GAS7: variants seen among roughly 807,000 people sequenced by gnomAD.
The protein encoded by GAS7 is growth arrest-specific protein 7.
GAS7 carries 28 observed loss-of-function variants against 71.1 expected under a neutral mutation model. The observed-to-expected ratio is 0.39, with a 90% confidence interval of 0.29 to 0.54. The LOEUF (loss-of-function observed/expected upper bound fraction) is 0.54, where lower values mean the gene tolerates loss of function less well. Ranked by LOEUF, GAS7 falls within the 20% of genes least tolerant of loss-of-function variation. The pLI is 0.62. For missense variants in GAS7, 436 were observed against 627.8 expected, an observed-to-expected ratio of 0.69 and a Z score of 3.27; for synonymous variants, 258 against 245.8, an observed-to-expected ratio of 1.05 and a Z score of -0.46.
intron 4 of GAS7, among the ~76,000 whole-genome samples, chr17:9,966,228 G>T (rs2069708479): frequency 6.6e-6 from 1 of 151,814 alleles, no homozygotes; most frequent in African/African-American, 2.4e-5. Context: ...TCGATCTCCT[G>T]ACCTCCTGAT....
At chr17:9,972,627 C>A (rs201887448) in intron 3 of GAS7, among the ~76,000 whole-genome samples, 1 of 151,966 alleles carries the variant, frequency 6.6e-6, no homozygotes, top group African/African-American at 2.4e-5. Flanking sequence ...AGCCCTGGAA[C>A]ATGTAAAAAC....
At chr17:10,063,191 A>G (rs564694237) in intron 1 of GAS7, among the ~76,000 whole-genome samples, 5 of 152,338 alleles carry the variant, frequency 3.3e-5, no homozygotes, top group African/African-American at 1.2e-4. Context: ...CTTCTTTGTC[A>G]TTCTTGCAAA....
At chr17:10,036,495 C>T in intron 1 of GAS7, 6 of 1,612,982 alleles carry the variant, frequency 3.7e-6, no homozygotes, top group Non-Finnish European at 5.1e-6. Context: ...TTGGGTCCTG[C>T]CTGAAGCCCT....
chr17:9,919,527 G>A lies in GAS7; in HGVS notation c.1218+99C>T. On this transcript the variant is annotated intron_variant, in intron 12 of 13. Coordinates refer to ENST00000432992, the MANE Select transcript of GAS7 (RefSeq NM_201433.2). The surrounding 1 kb of genome is among the most constrained non-coding windows in gnomAD (Gnocchi z 5.0). ...AGTAGATTTGATGACCATCTCCAGG[G>A]TCACTCCACCCCATCATCCCCGCGC... 1.2e-6 allele frequency: 1 copy of A among 857,154 alleles called. No homozygotes were observed. Among genetic ancestry groups the A allele is most frequent in the African/African-American group, 1.6e-5 (1 of 60,748 alleles). 53.1% of individuals were successfully genotyped at this position (857,154 alleles called of 1,614,324 possible). A position where few individuals can be genotyped will look rare whatever the true frequency, so the allele number is the denominator to read the frequency against.
intron 1 of GAS7, among the ~76,000 whole-genome samples, chr17:10,124,784 G>C (rs2073931811): frequency 6.6e-6 from 1 of 152,042 alleles, no homozygotes; most frequent in African/African-American, 2.4e-5. Flanking sequence ...TGAGCATGGT[G>C]GTGCGCACCT....
At chr17:10,066,745 G>C (rs1242924038) in intron 1 of GAS7, among the ~76,000 whole-genome samples, 1 of 152,120 alleles carries the variant, frequency 6.6e-6, no homozygotes, top group Non-Finnish European at 1.5e-5. Context: ...CATTCTGCAG[G>C]ACATCAGGAC....
At chr17:10,114,960 CTGG>C (rs1218947020) in intron 1 of GAS7, among the ~76,000 whole-genome samples, 4 of 152,210 alleles carry the variant, frequency 2.6e-5, no homozygotes, top group African/African-American at 9.7e-5. Flanking sequence ...GCCTCTGTGG[CTGG>C]CAGGGCTGGG....
intron 1 of GAS7, among the ~76,000 whole-genome samples, chr17:10,131,589 T>C: frequency 1.3e-5 from 2 of 152,262 alleles, no homozygotes; most frequent in Middle Eastern, 6.8e-3. Context: ...ACCACTGCAC[T>C]CCAGCCTGGA....
rs60319441 is a variant in GAS7, at chr17:10,093,552, C to CAAAAAAAAAAA, written c.184-73666_184-73656dup. On this transcript the variant is annotated intron_variant, in intron 1 of 13. Transcript: ENST00000432992. ...CTGGCAACAGAGTGAGACTCCGTCTCAAAAAAAAAAAAAAAAAAAAAGCTG... is the reference window on the plus strand; with the variant it reads ...CTGGCAACAGAGTGAGACTCCGTCTCAAAAAAAAAAAAAAAAAAAAAAAAAAAAAAAAGCTG... Among the ~76,000 whole-genome samples, 2 of 66,054 alleles carry CAAAAAAAAAAA rather than the reference C, an allele frequency of 3.0e-5. 1 individual carries two copies. Among genetic ancestry groups the CAAAAAAAAAAA allele is most frequent in the African/African-American group, 1.3e-4 (2 of 15,332 alleles). The allele number at this position is 66,054 out of a possible 152,430, so 43.3% of individuals were successfully genotyped here.
At position 9,926,501 on chromosome 17, in the gene GAS7, G is replaced by A. The variant is rs1224962902; in HGVS notation, c.1014+140C>T. ...GTGGGGTGCTCTGGCGTAGGCACGA[G>A]GCTTGGACATCCCCCTATTCCCCTA... is the stretch of plus-strand genomic sequence containing the variant. On this transcript the variant is annotated intron_variant, in intron 10 of 13. Transcript: ENST00000432992. The surrounding 1 kb of genome is among the most constrained non-coding windows in gnomAD (Gnocchi z 5.0). 1.0e-4 allele frequency: 93 copies of A among 886,734 alleles called. No individual in the cohort carries two copies. The South Asian group carries it at 1.4e-3, about 13-fold the overall frequency. The allele number at this position is 886,734 out of a possible 1,614,324, so 54.9% of individuals were successfully genotyped here.
intron 11 of GAS7, among the ~76,000 whole-genome samples, chr17:9,920,818 T>C (rs1477528786): frequency 6.6e-6 from 1 of 152,244 alleles, no homozygotes; most frequent in Non-Finnish European, 1.5e-5. Context: ...GAAGTAATTT[T>C]CTCTAGTAAT....
At chr17:9,964,507 C>G (rs536040283) in intron 4 of GAS7, among the ~76,000 whole-genome samples, 3 of 152,160 alleles carry the variant, frequency 2.0e-5, no homozygotes. Context: ...GGTCTCTATG[C>G]GTAAACACGG....
chr17:10,169,020 G>A (rs978995123), intron 1 of GAS7, among the ~76,000 whole-genome samples: 24 of 147,888 alleles, frequency 1.6e-4, no homozygotes, highest in African/African-American at 5.8e-4. Flanking sequence ...GCTCACGCCT[G>A]TAATCCAGCA....
intron 1 of GAS7, among the ~76,000 whole-genome samples, chr17:10,147,816 C>T (rs1181163900): frequency 6.6e-6 from 1 of 152,128 alleles, no homozygotes; most frequent in African/African-American, 2.4e-5. Context: ...ATCAGAGTAC[C>T]TTTATCTAGA....
At chr17:9,972,153 T>C (rs1337343147) in intron 3 of GAS7, among the ~76,000 whole-genome samples, 1 of 151,982 alleles carries the variant, frequency 6.6e-6, no homozygotes, top group African/African-American at 2.4e-5. Flanking sequence ...AAACAACAAA[T>C]CCACCCTGCA....
At chr17:10,164,077 T>A (rs1200223556) in intron 1 of GAS7, among the ~76,000 whole-genome samples, 1 of 152,160 alleles carries the variant, frequency 6.6e-6, no homozygotes, top group Non-Finnish European at 1.5e-5. Context: ...TCACCTGGTC[T>A]GACGTCATCA....
chr17:10,186,044 C>T, intron 1 of GAS7, among the ~76,000 whole-genome samples: 1 of 151,000 alleles, frequency 6.6e-6, no homozygotes, highest in East Asian at 1.9e-4. Flanking sequence ...CAAGCTCCGC[C>T]TCCTGGTTCA....
chr17:10,019,941 G>C, intron 1 of GAS7, 44 bp from the exon 2 acceptor site: 1 of 1,598,256 alleles, frequency 6.3e-7, no homozygotes. Flanking sequence ...TGGCATTTTT[G>C]CAAGAGTTTT....
rs1232565026 is a variant in GAS7, at chr17:9,919,826, G to C, written c.1139-121C>G. 2.6e-6 allele frequency: 2 copies of C among 778,012 alleles called. No individual in the cohort carries two copies. The highest frequency in any genetic ancestry group is 3.4e-5 in the African/African-American group (2 of 59,422). The allele number at this position is 778,012 out of a possible 1,614,324, so 48.2% of individuals were successfully genotyped here. ...CTGGGGTCATGGTGGCCGCTGGAAA[G>C]CTGGAAAAGGGATGGCAGTAGGAAG... On this transcript the variant is annotated intron_variant, in intron 11 of 13. Coordinates refer to ENST00000432992, the MANE Select transcript of GAS7 (RefSeq NM_201433.2). The surrounding 1 kb of genome is among the most constrained non-coding windows in gnomAD (Gnocchi z 5.0).
Sources: gnomAD v4.1 joint callset for allele counts (sites outside exome capture counted in the v4.1 genomes callset) on GRCh38, gnomAD v4.1.1 for gene constraint, Gnocchi (gnomAD v3.1) non-coding constraint, MANE v1.5 for transcripts, NCBI Gene and HGNC (gene_info 2026-07-23, HGNC 2026-07-21) for gene names.